OR3A2: variants seen among roughly 807,000 people sequenced by gnomAD.
OR3A2 encodes the protein olfactory receptor family 3 subfamily A member 2, also known as olfactory receptor 3A2.
For synonymous variants in OR3A2, 126 were observed against 159.3 expected, an observed-to-expected ratio of 0.79 and a Z score of 1.57; for missense variants, 318 against 392.8, an observed-to-expected ratio of 0.81 and a Z score of 1.61.
chr17:3,364,803 G>A lies in OR3A2; in HGVS notation c.-179+19001C>T, dbSNP rs143639444. ...TGATGTCTACACTCCCATGTTCATT[G>A]TAGCATTATTCACAGTAGCCAAGAT... is the stretch of plus-strand genomic sequence containing the variant. On this transcript the variant is annotated intron_variant, in intron 2 of 4. Transcript: ENST00000573491. Among the ~76,000 whole-genome samples the A allele has an allele frequency of 6.4e-4, 97 of 152,170 alleles. 1 individual carries two copies. The highest frequency in any genetic ancestry group is 4.4e-3 in the South Asian group (21 of 4,820).
At chr17:3,297,371 A>G (rs563049640) in intron 3 of OR3A2, among the ~76,000 whole-genome samples, 67 of 152,306 alleles carry the variant, frequency 4.4e-4, no homozygotes, top group Non-Finnish European at 8.2e-4. Flanking sequence ...ACTTTAACTC[A>G]GGTTGTAAGG....
rs114532983 is a variant in OR3A2 at position 3,278,249 on chromosome 17, G to A, written c.669C>T (p.His223=). 4,283 of 1,614,196 alleles carry A rather than the reference G, an allele frequency of 2.7e-3. 89 individuals are homozygous for A. In the African/African-American group the frequency reaches 0.047, roughly 18 times the overall value. ...GGATTCGTAGAACTGCAGCTGCCAC[G>A]TGGCTGTAGGCAGTGATGATGAGAA... The change falls in exon 2 of 2, where the codon CAC becomes CAT. Residue 223 remains histidine (H), a synonymous_variant. Coordinates refer to ENST00000642052, the Ensembl canonical transcript of OR3A2.
intron 2 of OR3A2, among the ~76,000 whole-genome samples, chr17:3,354,864 G>A (rs902744022): frequency 6.6e-6 from 1 of 150,980 alleles, no homozygotes; most frequent in Non-Finnish European, 1.5e-5. Flanking sequence ...TTTATTTGAA[G>A]TTTTTCTTCT....
intron 3 of OR3A2, among the ~76,000 whole-genome samples, chr17:3,317,387 T>A (rs1215234131): frequency 2.0e-5 from 3 of 152,230 alleles, no homozygotes; most frequent in African/African-American, 4.8e-5. Context: ...TACAGGTAGT[T>A]GTCCAGGCCA....
chr17:3,324,264 T>C (rs969472829), intron 3 of OR3A2, among the ~76,000 whole-genome samples: 63 of 151,746 alleles, frequency 4.2e-4, no homozygotes, highest in African/African-American at 1.5e-3. Context: ...TTCGTCTTGA[T>C]TTTTTTTCAC....
chr17:3,293,368 C>T (rs141232235), intron 3 of OR3A2, among the ~76,000 whole-genome samples: 67 of 152,144 alleles, frequency 4.4e-4, no homozygotes, highest in Non-Finnish European at 7.8e-4. Context: ...GAAAAAAATA[C>T]ATCAGTTCTA....
At chr17:3,359,921 T>C (rs193190115) in intron 2 of OR3A2, among the ~76,000 whole-genome samples, 65 of 151,978 alleles carry the variant, frequency 4.3e-4, no homozygotes, top group Non-Finnish European at 8.2e-4. Context: ...TTTATATTCC[T>C]TCAGGTATAT....
At chr17:3,278,838 T>C in exon 2 of OR3A2, 1 of 1,535,564 alleles carries the variant, frequency 6.5e-7, no homozygotes, top group Non-Finnish European at 8.8e-7. Context: ...GACAACTGGC[T>C]GCATCTCTTC....
chr17:3,342,956 G>A (rs947152788), intron 2 of OR3A2, among the ~76,000 whole-genome samples: 1 of 152,332 alleles, frequency 6.6e-6, no homozygotes, highest in South Asian at 2.1e-4. Flanking sequence ...TCTAGCCTCA[G>A]CAATGGTGGA....
chr17:3,370,970 AT>A (rs1303642506), intron 2 of OR3A2, among the ~76,000 whole-genome samples: 1 of 152,104 alleles, frequency 6.6e-6, no homozygotes, highest in Non-Finnish European at 1.5e-5. Context: ...CAGGATAAGA[AT>A]TTTTCTTAGT....
chr17:3,360,082 G>A (rs1267406788), intron 2 of OR3A2, among the ~76,000 whole-genome samples: 1 of 151,740 alleles, frequency 6.6e-6, no homozygotes. Flanking sequence ...TCCAGCACCT[G>A]TTGTTTCCTG....
rs760055376 is a variant in OR3A2, at chr17:3,278,122, C to A, written c.796G>T (p.Gly266Cys). Residue 266 changes from glycine (G) to cysteine (C), a missense_variant, in exon 2 of 2, where the codon GGT becomes TGT. Coordinates refer to ENST00000642052, the Ensembl canonical transcript of OR3A2. ...TCCTTGTCTGAAGCCTCCTCTGAACCCAGTCTCATGTAGTTGAAGATACCT... is the reference window on the plus strand; with the variant it reads ...TCCTTGTCTGAAGCCTCCTCTGAACACAGTCTCATGTAGTTGAAGATACCT... The A allele has an allele frequency of 9.3e-6, 15 of 1,614,080 alleles. No homozygotes were observed. The highest frequency in any genetic ancestry group is 5.3e-5 in the African/African-American group (4 of 74,912).
At chr17:3,339,722 G>A (rs1033292353) in intron 2 of OR3A2, among the ~76,000 whole-genome samples, 4 of 152,052 alleles carry the variant, frequency 2.6e-5, no homozygotes, top group Non-Finnish European at 5.9e-5. Context: ...CAGGGATATT[G>A]GTCTAAAATT....
chr17:3,341,211 T>C (rs967194981), intron 2 of OR3A2, among the ~76,000 whole-genome samples: 1 of 152,228 alleles, frequency 6.6e-6, no homozygotes, highest in Non-Finnish European at 1.5e-5. Flanking sequence ...GGGTCTTGAC[T>C]CTTTATTCAA....
intron 2 of OR3A2, among the ~76,000 whole-genome samples, chr17:3,365,841 G>C (rs1349912847): frequency 6.6e-6 from 1 of 152,150 alleles, no homozygotes; most frequent in East Asian, 1.9e-4. Context: ...CAACTAGCTT[G>C]CTTATGCAAA....
chr17:3,326,454 G>T (rs771678697), intron 3 of OR3A2, among the ~76,000 whole-genome samples: 1 of 151,996 alleles, frequency 6.6e-6, no homozygotes, highest in African/African-American at 2.4e-5. Context: ...TGGAGCTGCA[G>T]CAGAGGAACA....
At chr17:3,300,869 G>A (rs7212511) in intron 3 of OR3A2, among the ~76,000 whole-genome samples, 23,050 of 138,630 alleles carry the variant, frequency 0.17, 2,658 homozygotes, top group African/African-American at 0.34. Context: ...AGGCCCTGGT[G>A]TGTGATGTTC....
intron 3 of OR3A2, among the ~76,000 whole-genome samples, chr17:3,309,133 T>G (rs2049020401): frequency 1.3e-5 from 2 of 152,158 alleles, no homozygotes; most frequent in Non-Finnish European, 2.9e-5. Flanking sequence ...CTCGAACTCC[T>G]GACCTCAGGT....
At chr17:3,355,732 A>G (rs1789309530) in intron 2 of OR3A2, among the ~76,000 whole-genome samples, 2 of 151,396 alleles carry the variant, frequency 1.3e-5, no homozygotes, top group Non-Finnish European at 2.9e-5. Flanking sequence ...GTTTACTGTA[A>G]GCAAGAGATC....
Sources: allele counts gnomAD v4.1 joint callset (sites outside exome capture counted in the v4.1 genomes callset), GRCh38; gene constraint gnomAD v4.1.1; transcripts MANE v1.5; gene names NCBI Gene and HGNC (gene_info 2026-07-23, HGNC 2026-07-21).